The following FAM53B variants were observed in gnomAD, a reference collection of about 807,000 sequenced individuals.
FAM53B encodes the protein family with sequence similarity 53 member B.
A neutral mutation model predicts 32.7 loss-of-function variants in FAM53B; 12 were observed. The observed-to-expected ratio is 0.37, with a 90% confidence interval of 0.24 to 0.59. The LOEUF (loss-of-function observed/expected upper bound fraction) is 0.59. FAM53B is among the 20% of genes least tolerant of loss of function. The pLI is 0.72. For synonymous variants in FAM53B, 234 were observed against 228.7 expected (o/e 1.02, Z -0.21); for missense variants, 477 against 577.7 (o/e 0.83, Z 1.79).
At chr10:124,691,611 C>T (rs184814973) in intron 3 of FAM53B, among the ~76,000 whole-genome samples, 1 of 152,304 alleles carries the variant, frequency 6.6e-6, no homozygotes. Context: ...ATTTCCAGGT[C>T]TCCTCCTCGC....
At chr10:124,714,766 A>AG (rs1950029014) in intron 1 of FAM53B, among the ~76,000 whole-genome samples, 1 of 151,850 alleles carries the variant, frequency 6.6e-6, no homozygotes, top group African/African-American at 2.4e-5. Context: ...CTCAAAAAAA[A>AG]AAAAAAAAAA....
chr10:124,724,937 G>A (rs1950092791), intron 1 of FAM53B, among the ~76,000 whole-genome samples: 1 of 152,210 alleles, frequency 6.6e-6, no homozygotes. Context: ...CAGCTGCTGG[G>A]GGCTGGGAGC....
chr10:124,662,097 G>T (rs931307819), intron 4 of FAM53B, among the ~76,000 whole-genome samples: 30 of 152,168 alleles, frequency 2.0e-4, no homozygotes, highest in African/African-American at 6.5e-4. Context: ...GAGATGGGAG[G>T]GGCCTGGCAC....
intron 4 of FAM53B, among the ~76,000 whole-genome samples, chr10:124,649,813 AAAGCAACCAAATATACGTAAGTCCCCAT>A (rs1949544819): frequency 6.6e-6 from 1 of 152,118 alleles, no homozygotes; most frequent in Non-Finnish European, 1.5e-5. Context: ...TAAGTCCCCA[AAAGCAACCAAATATACGTAAGTCCCCAT>A]AAGCAACCAA....
intron 3 of FAM53B, among the ~76,000 whole-genome samples, chr10:124,693,287 T>C (rs935234035): frequency 2.0e-5 from 3 of 151,854 alleles, no homozygotes; most frequent in Non-Finnish European, 2.9e-5. Context: ...CTGGCCAACA[T>C]GGTGAAACCC....
chr10:124,625,171 C>T (rs1359779327), intron 4 of FAM53B, among the ~76,000 whole-genome samples: 1 of 152,228 alleles, frequency 6.6e-6, no homozygotes, highest in Non-Finnish European at 1.5e-5. Flanking sequence ...TTGAACCAGC[C>T]TCAGCGGATG....
At chr10:124,632,152 C>T (rs3824805) in intron 4 of FAM53B, among the ~76,000 whole-genome samples, 62,289 of 152,192 alleles carry the variant, frequency 0.41, 14,171 homozygotes, top group Non-Finnish European at 0.52. Flanking sequence ...TCTCCGAGGG[C>T]ACCCCACAGG....
rs554216543 is a variant in FAM53B at position 124,642,654 on chromosome 10, G to C, written c.907-19050C>G. On this transcript the variant is annotated intron_variant, in intron 4 of 4. Transcript: ENST00000337318. ...TGAGTCAGGATCCCCGAGACACAGGGGCACGTGCAACTGCCGATCACAGAA... is the reference window on the plus strand; with the variant it reads ...TGAGTCAGGATCCCCGAGACACAGGCGCACGTGCAACTGCCGATCACAGAA... Among the ~76,000 whole-genome samples the C allele has an allele frequency of 3.3e-5, 5 of 152,288 alleles. No individual in the cohort carries two copies. The South Asian group carries it at 1.0e-3, about 32-fold the overall frequency.
At chr10:124,692,630 G>A (rs1024184127) in intron 3 of FAM53B, among the ~76,000 whole-genome samples, 10 of 140,034 alleles carry the variant, frequency 7.1e-5, no homozygotes, top group African/African-American at 2.4e-4. Context: ...CAGAAGAATC[G>A]CTTGAACCCA....
In FAM53B at chr10:124,619,664, A is replaced by T. The variant is rs1382460084; in HGVS notation, c.*3578T>A. 6.6e-6 allele frequency: 1 copy of T among 152,456 alleles called. No homozygotes were observed. Among genetic ancestry groups the T allele is most frequent in the Non-Finnish European group, 1.5e-5 (1 of 68,020 alleles). The allele number at this position is 152,456 out of a possible 1,614,324, so 9.4% of individuals were successfully genotyped here. Reference sequence around the variant, plus strand: ...CACTTCGGTCTGCCATTAAAAAAAAAAAAAATCTTTCTCTTCTTTTCTCTT... The same window carrying T: ...CACTTCGGTCTGCCATTAAAAAAAATAAAAATCTTTCTCTTCTTTTCTCTT... On this transcript the variant is annotated 3_prime_UTR_variant, in exon 5 of 5. Transcript: ENST00000337318.
intron 1 of FAM53B, among the ~76,000 whole-genome samples, chr10:124,728,070 A>G (rs1950118358): frequency 6.6e-6 from 1 of 152,108 alleles, no homozygotes; most frequent in South Asian, 2.1e-4. Context: ...TCAAACGACT[A>G]AGTTTCATCT....
At chr10:124,644,914 TG>T (rs1484805430) in intron 4 of FAM53B, among the ~76,000 whole-genome samples, 1 of 152,210 alleles carries the variant, frequency 6.6e-6, no homozygotes, top group Non-Finnish European at 1.5e-5. Context: ...AAGTAGGTGA[TG>T]GTGGCCCCTC....
intron 1 of FAM53B, among the ~76,000 whole-genome samples, chr10:124,716,193 A>G (rs1950037555): frequency 6.6e-6 from 1 of 152,194 alleles, no homozygotes; most frequent in African/African-American, 2.4e-5. Flanking sequence ...ACTGGGGCTA[A>G]AACATATTCC....
At chr10:124,654,435 A>T (rs180860863) in intron 4 of FAM53B, among the ~76,000 whole-genome samples, 3 of 152,348 alleles carry the variant, frequency 2.0e-5, no homozygotes, top group Non-Finnish European at 4.4e-5. Flanking sequence ...GGGAAGGAAG[A>T]GCGCTCCCAG....
In FAM53B at chr10:124,705,363, T is replaced by A. The variant is rs1589757119; in HGVS notation, c.78+1273A>T. ...CTGCCTGCTCCAGGTTGCAGCTGCC[T>A]CATTTGTAAAACAAGGAGGCTGGAC... On this transcript the variant is annotated intron_variant, in intron 2 of 4. Transcript: ENST00000337318. Among the ~76,000 whole-genome samples, 3 of 152,230 alleles carry A rather than the reference T, an allele frequency of 2.0e-5. No individual in the cohort carries two copies. The South Asian group carries it at 6.2e-4, about 32-fold the overall frequency.
intron 3 of FAM53B, among the ~76,000 whole-genome samples, chr10:124,693,229 T>G (rs1212602270): frequency 6.6e-6 from 1 of 151,842 alleles, no homozygotes; most frequent in Non-Finnish European, 1.5e-5. Flanking sequence ...CCCAGCACTT[T>G]GTGAGGCTGA....
intron 4 of FAM53B, among the ~76,000 whole-genome samples, chr10:124,634,582 T>G (rs2134040550): frequency 6.6e-6 from 1 of 152,352 alleles, no homozygotes; most frequent in Non-Finnish European, 1.5e-5. Flanking sequence ...AAGGATGTGT[T>G]TGCTTCCCCT....
chr10:124,657,154 A>G (rs1051011177), intron 4 of FAM53B, among the ~76,000 whole-genome samples: 1 of 122,198 alleles, frequency 8.2e-6, no homozygotes, highest in Non-Finnish European at 1.7e-5. Flanking sequence ...ATATGTGTAT[A>G]TATGTGTGTA....
At chr10:124,661,736 G>C (rs990335476) in intron 4 of FAM53B, among the ~76,000 whole-genome samples, 3 of 152,220 alleles carry the variant, frequency 2.0e-5, no homozygotes, top group Admixed American at 6.5e-5. Flanking sequence ...CACCATTACT[G>C]CCCCCGTTTG....
Sources: allele counts gnomAD v4.1 joint callset (sites outside exome capture counted in the v4.1 genomes callset), GRCh38; gene constraint gnomAD v4.1.1; transcripts MANE v1.5; gene names NCBI Gene and HGNC (gene_info 2026-07-23, HGNC 2026-07-21).